Variants in RBM41 observed in about 807,000 individuals in gnomAD.
RBM41 encodes RNA binding motif protein 41.
In RBM41, 14 loss-of-function variants were observed where a neutral mutation model predicts 30.8. The observed-to-expected ratio is 0.45, with a 90% CI of 0.30 to 0.71. The LOEUF is 0.71. RBM41 is among the 30% of genes least tolerant of loss of function. The pLI is 0.08. For synonymous variants in RBM41, 120 were observed against 110.1 expected (o/e 1.09, Z -0.56); for missense variants, 276 against 326.3 (o/e 0.85, Z 1.19).
intron 5 of RBM41, among the ~76,000 whole-genome samples, chrX:107,101,260 G>A (rs1385169735): frequency 9.0e-6 from 1 of 111,633 alleles, no homozygotes; most frequent in Non-Finnish European, 1.9e-5. Flanking sequence ...TTTAAGTGCT[G>A]TTTGTCATGA....
At chrX:107,111,601 G>A (rs1016115682) in intron 5 of RBM41, among the ~76,000 whole-genome samples, 15 of 111,297 alleles carry the variant, frequency 1.3e-4, no homozygotes, top group Non-Finnish European at 2.3e-4. Context: ...ACCCATGTTC[G>A]TAGCAGCATT....
downstream of RBM41, among the ~76,000 whole-genome samples, chrX:107,060,944 G>A (rs1468757627): frequency 9.0e-6 from 1 of 111,057 alleles, no homozygotes; most frequent in African/African-American, 3.3e-5. Context: ...CACTAAAAAG[G>A]GCTAAAAATC....
intron 6 of RBM41, among the ~76,000 whole-genome samples, chrX:107,077,991 C>T (rs759855341): frequency 9.5e-4 from 106 of 111,370 alleles, no homozygotes; most frequent in African/African-American, 3.3e-3. Flanking sequence ...TTATTATTAA[C>T]TAAAGTCCAC....
At position 107,115,434 on chromosome X, in the gene RBM41, C is replaced by T. The variant is rs976521914; in HGVS notation, c.441G>A (p.Leu147=). Residue 147 remains leucine, a synonymous_variant, in exon 4 of 8, where the codon CTG becomes CTA. Transcript: ENST00000685964. ...TTTCTATTTCCATTTCTCGCCGGGT[C>T]AGCTGTTTGCTCTTTGCAAATCTCT... ...LPQRFAKSKQ[L]TRREMEIEKS... The T allele has an allele frequency of 8.3e-7, 1 of 1,211,862 alleles. No homozygotes were observed. Among genetic ancestry groups the T allele is most frequent in the Non-Finnish European group, 1.1e-6 (1 of 895,496 alleles).
At chrX:107,118,638 TTCCCGC>T (rs1385416335) in intron 1 of RBM41, 122 bp downstream of exon 1, 6 of 899,949 alleles carry the variant, frequency 6.7e-6, no homozygotes, top group Non-Finnish European at 9.7e-6. Flanking sequence ...CTTTGTCGTG[TTCCCGC>T]TCCCACGAAA....
the RBM41 span, among the ~76,000 whole-genome samples, chrX:107,055,015 C>A: frequency 1.8e-5 from 2 of 112,181 alleles, no homozygotes; most frequent in Non-Finnish European, 3.8e-5. Context: ...CATTCTCTTT[C>A]CCCCAACCCC....
At position 107,113,257 on chromosome X, in the gene RBM41, T is replaced by C. The variant is rs1196516308; in HGVS notation, c.595+140A>G. 4 of 730,811 alleles carry C rather than the reference T, an allele frequency of 5.5e-6. No individual in the cohort carries two copies. The African/African-American group carries it at 9.0e-5, about 17-fold the overall frequency. The allele number at this position is 730,811 out of a possible 1,213,427, so 60.2% of individuals were successfully genotyped here. ...TTCTACTAACTCCTCTCTTTAATAT[T>C]CTGTATCAGGATAATATGCTCCCTC... On this transcript the variant is annotated intron_variant, in intron 5 of 7. Coordinates refer to ENST00000685964, the MANE Select transcript of RBM41 (RefSeq NM_001324242.2).
At chrX:107,107,140 T>G (rs1241706802) in intron 5 of RBM41, among the ~76,000 whole-genome samples, 1 of 111,782 alleles carries the variant, frequency 8.9e-6, no homozygotes, top group Non-Finnish European at 1.9e-5. Context: ...CCATGGAGTC[T>G]GACAAGTATA....
intron 5 of RBM41, among the ~76,000 whole-genome samples, chrX:107,107,690 G>C (rs1440660088): frequency 9.0e-6 from 1 of 111,699 alleles, no homozygotes; most frequent in African/African-American, 3.3e-5. Context: ...AGGAAGCAAA[G>C]AGAATGATTC....
At position 107,062,301 on chromosome X, in the gene RBM41, G is replaced by A. The variant is rs1476743471; in HGVS notation, c.*5226C>T. Among the ~76,000 whole-genome samples the A allele has an allele frequency of 1.8e-5, 2 of 111,718 alleles. No homozygotes were observed. Among genetic ancestry groups the A allele is most frequent in the Non-Finnish European group, 3.8e-5 (2 of 53,137 alleles). On this transcript the variant is annotated 3_prime_UTR_variant, in exon 8 of 8. Transcript: ENST00000685964. ...TATACTACGGTTTATCTATGCACCA[G>A]TTGAAGGATATCCTTCATTTTTATG...
chrX:107,088,449 C>T lies in RBM41; in HGVS notation c.986G>A (p.Gly329Glu). The T allele has an allele frequency of 8.3e-7, 1 of 1,210,202 alleles. No individual in the cohort carries two copies. Reference sequence around the variant, plus strand: ...TTTGGCCTATACCTTGTTTGGTTCCCCTGGATTATATGAAGAAAACATAGG... The same window carrying T: ...TTTGGCCTATACCTTGTTTGGTTCCTCTGGATTATATGAAGAAAACATAGG... ...KIPMFSSYNP[G>E]EPNKVLYLKN... The change falls in exon 6 of 8, where the codon GGG becomes GAG. Residue 329 changes from glycine (G) to glutamate (E), a missense_variant. Physicochemically the swap from Gly to Glu is moderately conservative, Grantham distance 98. Transcript: ENST00000685964.
chrX:107,065,872 CAT>C lies in RBM41; in HGVS notation c.*1653_*1654del. ...TTAGTTAAGAGAAAAAAGAAAAATG[CAT>C]AGATTGTTTCTGATAATTACATAAT... On this transcript the variant is annotated 3_prime_UTR_variant, in exon 8 of 8. Coordinates refer to ENST00000685964, the MANE Select transcript of RBM41 (RefSeq NM_001324242.2). 2 of 727,887 alleles carry C rather than the reference CAT, an allele frequency of 2.7e-6. No individual in the cohort carries two copies. Among genetic ancestry groups the C allele is most frequent in the Non-Finnish European group, 3.7e-6 (2 of 547,850 alleles). 60.0% of individuals were successfully genotyped at this position (727,887 alleles called of 1,213,427 possible).
chrX:107,077,393 A>G (rs1391015922), intron 6 of RBM41, among the ~76,000 whole-genome samples: 2 of 111,310 alleles, frequency 1.8e-5, no homozygotes, highest in African/African-American at 6.5e-5. Context: ...TCGGCCTCCC[A>G]AAGTGCTGGG....
At chrX:107,105,809 A>G (rs1241405126) in intron 5 of RBM41, among the ~76,000 whole-genome samples, 2 of 111,932 alleles carry the variant, frequency 1.8e-5, no homozygotes, top group South Asian at 3.7e-4. Context: ...AAAACTGGCT[A>G]GCCATATGTA....
At chrX:107,111,898 C>T (rs948238272) in intron 5 of RBM41, among the ~76,000 whole-genome samples, 5 of 111,193 alleles carry the variant, frequency 4.5e-5, no homozygotes, top group African/African-American at 1.6e-4. Context: ...GAGTTAGTAT[C>T]TAATAAGTAC....
intron 6 of RBM41, among the ~76,000 whole-genome samples, chrX:107,077,050 A>T (rs1921006714): frequency 8.9e-6 from 1 of 112,211 alleles, no homozygotes; most frequent in Admixed American, 9.4e-5. Flanking sequence ...ATATCAAATT[A>T]AATAACCATA....
At chrX:107,083,243 C>T (rs1921710807) in intron 6 of RBM41, among the ~76,000 whole-genome samples, 1 of 110,465 alleles carries the variant, frequency 9.1e-6, no homozygotes, top group Admixed American at 9.7e-5. Flanking sequence ...AAATATTTCA[C>T]ACTACTCTCT....
At chrX:107,101,738 T>C (rs749773196) in intron 5 of RBM41, among the ~76,000 whole-genome samples, 2 of 112,197 alleles carry the variant, frequency 1.8e-5, no homozygotes, top group Non-Finnish European at 3.8e-5. Context: ...TTAAGCAGCA[T>C]CCTACTTCCC....
chrX:107,111,635 A>C (rs1924484600), intron 5 of RBM41, among the ~76,000 whole-genome samples: 1 of 111,770 alleles, frequency 8.9e-6, no homozygotes. Flanking sequence ...AAAACATGGA[A>C]ACAACTTAAG....
Sources: gnomAD v4.1 joint callset for allele counts (sites outside exome capture counted in the v4.1 genomes callset) on GRCh38, gnomAD v4.1.1 for gene constraint, MANE v1.5 for transcripts, NCBI Gene and HGNC (gene_info 2026-07-23, HGNC 2026-07-21) for gene names.